Variants in ATP10B observed in about 807,000 individuals in gnomAD.
ATP10B encodes ATPase phospholipid transporting 10B (putative).
In ATP10B, 122 loss-of-function variants were observed where a neutral mutation model predicts 141.2. The ratio of observed to expected loss-of-function variants is 0.86; its 90% CI spans 0.75 to 1.00. The LOEUF is 1.00. Ranked by LOEUF, ATP10B falls within the 50% of genes least tolerant of loss-of-function variation. ATP10B has a pLI of 0.00. For synonymous variants in ATP10B, 685 were observed against 692.0 expected, an observed-to-expected ratio of 0.99 and a Z score of 0.16; for missense variants, 1,876 against 1,825.3, an observed-to-expected ratio of 1.03 and a Z score of -0.51.
At chr5:160,637,688 C>G (rs1759522623) in intron 10 of ATP10B, among the ~76,000 whole-genome samples, 1 of 152,164 alleles carries the variant, frequency 6.6e-6, no homozygotes, top group Non-Finnish European at 1.5e-5. Context: ...GTAATAATAC[C>G]TTCTCTATAG....
chr5:160,904,895 G>C, the ATP10B span, among the ~76,000 whole-genome samples: 1 of 152,200 alleles, frequency 6.6e-6, no homozygotes, highest in Non-Finnish European at 1.5e-5. Flanking sequence ...GCTGGAAGGG[G>C]ACAAGGGGAT....
At chr5:160,917,664 G>A in the ATP10B span, among the ~76,000 whole-genome samples, 1 of 152,148 alleles carries the variant, frequency 6.6e-6, no homozygotes, top group Admixed American at 6.5e-5. Context: ...GATAGGGGAG[G>A]AAGATAACAG....
chr5:160,665,444 G>A (rs1209813397), intron 7 of ATP10B, among the ~76,000 whole-genome samples: 1 of 152,168 alleles, frequency 6.6e-6, no homozygotes, highest in Non-Finnish European at 1.5e-5. Flanking sequence ...TATTTGTGCT[G>A]AAAAATAATT....
intron 1 of ATP10B, among the ~76,000 whole-genome samples, chr5:160,831,279 A>G (rs1373008022): frequency 6.6e-6 from 1 of 151,972 alleles, no homozygotes; most frequent in Non-Finnish European, 1.5e-5. Context: ...TGGTGACTCT[A>G]CCTAGCATAG....
chr5:160,620,845 T>C lies in ATP10B; in HGVS notation c.1918A>G (p.Thr640Ala). The C allele has an allele frequency of 1.9e-6, 3 of 1,614,162 alleles. No homozygotes were observed. The highest frequency in any genetic ancestry group is 2.5e-6 in the Non-Finnish European group (3 of 1,180,028). Residue 640 changes from threonine (T) to alanine (A), a missense_variant, in exon 15 of 26, where the codon ACT becomes GCT. By Grantham distance (58) the Thr-to-Ala change is moderately conservative. Coordinates refer to ENST00000327245, the MANE Select transcript of ATP10B (RefSeq NM_025153.3). ...LLSLSQSFSS[T>A]APSDTDLGES... ...CCGAGGTCTGTGTCAGAGGGTGCAGTGGATGAGAATGACTGGCTGAGGCTC... is the reference window on the plus strand; with the variant it reads ...CCGAGGTCTGTGTCAGAGGGTGCAGCGGATGAGAATGACTGGCTGAGGCTC...
Position 160,591,128 on chromosome 5 carries a change from C to T in ATP10B, c.3576G>A (p.Leu1192=). The change falls in exon 23 of 26, where the codon CTG becomes CTA. Residue 1192 remains leucine, a synonymous_variant. Transcript: ENST00000327245. ...KSGQNSECYN[L]STFWISMVDA... ...CCACCATAGAAATCCAGAAAGTCGACAGGTTATAGCACTGCCAGGAGAGAA... is the reference window on the plus strand; with the variant it reads ...CCACCATAGAAATCCAGAAAGTCGATAGGTTATAGCACTGCCAGGAGAGAA... The T allele has an allele frequency of 6.2e-7, 1 of 1,613,794 alleles. No individual in the cohort carries two copies. Among genetic ancestry groups the T allele is most frequent in the Non-Finnish European group, 8.5e-7 (1 of 1,179,830 alleles).
chr5:160,824,995 A>G (rs1295776722), intron 1 of ATP10B, among the ~76,000 whole-genome samples: 1 of 151,986 alleles, frequency 6.6e-6, no homozygotes, highest in African/African-American at 2.4e-5. Context: ...CATGTCAACT[A>G]GCTTTATGCT....
Position 160,632,181 on chromosome 5 carries a change from G to A in ATP10B, c.1568C>T (p.Ser523Phe). 1.2e-6 allele frequency: 2 copies of A among 1,614,202 alleles called. No individual in the cohort carries two copies. Among genetic ancestry groups the A allele is most frequent in the Non-Finnish European group, 1.7e-6 (2 of 1,180,034 alleles). The change falls in exon 13 of 26, where the codon TCT (serine) becomes TTT (phenylalanine). Residue 523 changes from serine (S) to phenylalanine (F), a missense_variant. Transcript: ENST00000327245. ...CTGTGAGCTTTCACGGTGCCCCATA[G>A]ACCTTTGCCGGTAGTGGCCCTGGAT... ...VPIQGHYRQR[S>F]MGHRESSQPP...
chr5:160,722,191 T>A (rs1766043126), intron 2 of ATP10B, among the ~76,000 whole-genome samples: 1 of 152,354 alleles, frequency 6.6e-6, no homozygotes, highest in African/African-American at 2.4e-5. Flanking sequence ...AAACATCTCA[T>A]AATTTGGATT....
chr5:160,601,779 A>G (rs1241545169), intron 21 of ATP10B, among the ~76,000 whole-genome samples: 1 of 152,228 alleles, frequency 6.6e-6, no homozygotes, highest in Non-Finnish European at 1.5e-5. Flanking sequence ...TGCTGGAGTC[A>G]GGTAAGACTA....
intron 13 of ATP10B, among the ~76,000 whole-genome samples, chr5:160,625,343 T>A (rs968792144): frequency 1.3e-5 from 2 of 152,200 alleles, no homozygotes; most frequent in African/African-American, 4.8e-5. Flanking sequence ...TATCTAATCC[T>A]TAAGGCTCAG....
In ATP10B at chr5:160,586,314, T is replaced by C. The variant is rs536602259; in HGVS notation, c.3750+3278A>G. Among the ~76,000 whole-genome samples, 4 of 152,372 alleles carry C rather than the reference T, an allele frequency of 2.6e-5. No individual in the cohort carries two copies. The South Asian group carries it at 8.3e-4, about 32-fold the overall frequency. ...CCCTGCAAAAGACATGACCTCATTC[T>C]TTTTTATGGCTGCATAGTATTCTAT... On this transcript the variant is annotated intron_variant, in intron 24 of 25. Coordinates refer to ENST00000327245, the MANE Select transcript of ATP10B (RefSeq NM_025153.3).
chr5:160,661,650 T>A (rs1199428859), intron 7 of ATP10B, among the ~76,000 whole-genome samples: 2 of 151,994 alleles, frequency 1.3e-5, no homozygotes, highest in African/African-American at 4.8e-5. Flanking sequence ...TTGTATATAC[T>A]AATAATAAGA....
chr5:160,746,201 C>T (rs919958058), intron 2 of ATP10B, among the ~76,000 whole-genome samples: 1 of 152,210 alleles, frequency 6.6e-6, no homozygotes, highest in African/African-American at 2.4e-5. Flanking sequence ...ATCTCTCTCA[C>T]ATCCCTGCAT....
At chr5:160,903,525 C>A in the ATP10B span, among the ~76,000 whole-genome samples, 3 of 152,162 alleles carry the variant, frequency 2.0e-5, no homozygotes, top group African/African-American at 2.4e-5. Flanking sequence ...TGCAATAACA[C>A]GAATCTGCTT....
At chr5:160,693,052 T>C (rs540831692) in intron 3 of ATP10B, among the ~76,000 whole-genome samples, 4 of 152,222 alleles carry the variant, frequency 2.6e-5, no homozygotes, top group East Asian at 1.9e-4. Flanking sequence ...AAACCTCAAA[T>C]TGGGGGGCTA....
At chr5:160,829,671 A>G (rs759544270) in intron 1 of ATP10B, among the ~76,000 whole-genome samples, 7 of 151,770 alleles carry the variant, frequency 4.6e-5, no homozygotes, top group African/African-American at 9.7e-5. Flanking sequence ...GCAATCTTTC[A>G]TCTCATTCGT....
chr5:160,893,881 C>A, the ATP10B span, among the ~76,000 whole-genome samples: 1 of 152,238 alleles, frequency 6.6e-6, no homozygotes, highest in African/African-American at 2.4e-5. Flanking sequence ...GCAGCCTCCA[C>A]TGGTGATACC....
intron 2 of ATP10B, among the ~76,000 whole-genome samples, chr5:160,720,922 T>A (rs1765950996): frequency 2.0e-5 from 3 of 152,252 alleles, no homozygotes; most frequent in South Asian, 4.1e-4. Context: ...CTTACTATTG[T>A]TGATTACACT....
Sources: gnomAD v4.1 joint callset for allele counts (sites outside exome capture counted in the v4.1 genomes callset) on GRCh38, gnomAD v4.1.1 for gene constraint, MANE v1.5 for transcripts, NCBI Gene and HGNC (gene_info 2026-07-23, HGNC 2026-07-21) for gene names.